The following GARRE1 variants were observed in gnomAD, a reference collection of about 807,000 sequenced individuals.
The protein encoded by GARRE1 is granule associated Rac and RHOG effector 1.
In GARRE1, 49 loss-of-function variants were observed where a neutral mutation model predicts 103.2. That is an observed-to-expected ratio of 0.47 (90% CI 0.38 to 0.60). The LOEUF is 0.60. Ranked by LOEUF, GARRE1 falls within the 20% of genes least tolerant of loss-of-function variation. The pLI, the probability that GARRE1 is intolerant of heterozygous loss-of-function variation, is 0.00. For synonymous variants in GARRE1, 505 were observed against 532.8 expected (o/e 0.95, Z 0.72); for missense variants, 1,199 against 1,370.5 (o/e 0.87, Z 1.98).
At chr19:34,270,869 C>G (rs1306538047) in intron 1 of GARRE1, among the ~76,000 whole-genome samples, 1 of 152,112 alleles carries the variant, frequency 6.6e-6, no homozygotes, top group Non-Finnish European at 1.5e-5. Flanking sequence ...GTAGATAATT[C>G]TTTGTAGGGG....
At chr19:34,304,603 C>T (rs1281842160) in intron 2 of GARRE1, among the ~76,000 whole-genome samples, 2 of 151,658 alleles carry the variant, frequency 1.3e-5, no homozygotes, top group Non-Finnish European at 2.9e-5. Context: ...GTCTCAAACT[C>T]CTGACCTCAA....
chr19:34,328,711 A>G (rs1014977406), intron 6 of GARRE1, among the ~76,000 whole-genome samples: 7 of 151,952 alleles, frequency 4.6e-5, no homozygotes, highest in African/African-American at 1.2e-4. Flanking sequence ...GGGTTCAAGC[A>G]ATCCTCCTGC....
At chr19:34,350,580 C>G (rs2074231354) in intron 12 of GARRE1, among the ~76,000 whole-genome samples, 1 of 152,112 alleles carries the variant, frequency 6.6e-6, no homozygotes, top group Non-Finnish European at 1.5e-5. Context: ...AACAGTATCT[C>G]TCTCTTTTTT....
chr19:34,294,764 G>A (rs2073938274), intron 1 of GARRE1, among the ~76,000 whole-genome samples: 1 of 152,102 alleles, frequency 6.6e-6, no homozygotes, highest in Admixed American at 6.6e-5. Flanking sequence ...GAGTACAGTG[G>A]TGTGATCCAA....
chr19:34,297,642 G>A (rs910159579), intron 1 of GARRE1, among the ~76,000 whole-genome samples: 1 of 152,174 alleles, frequency 6.6e-6, no homozygotes, highest in Non-Finnish European at 1.5e-5. Flanking sequence ...GAGTCTCCAC[G>A]GGAACAGCCT....
At chr19:34,311,899 C>T (rs931968328) in intron 2 of GARRE1, among the ~76,000 whole-genome samples, 6 of 152,204 alleles carry the variant, frequency 3.9e-5, no homozygotes, top group African/African-American at 1.4e-4. Flanking sequence ...GCATGAGCCA[C>T]CACACCCGGC....
At chr19:34,314,891 T>G (rs1418733027) in intron 2 of GARRE1, among the ~76,000 whole-genome samples, 1 of 152,238 alleles carries the variant, frequency 6.6e-6, no homozygotes, top group Non-Finnish European at 1.5e-5. Context: ...TTTAGGTCTT[T>G]GTGTCACATT....
intron 1 of GARRE1, among the ~76,000 whole-genome samples, chr19:34,274,614 T>G (rs1037347885): frequency 4.6e-5 from 7 of 152,198 alleles, no homozygotes; most frequent in Middle Eastern, 3.2e-3. Flanking sequence ...ATTTGGGTTC[T>G]GGAGCACAGG....
chr19:34,264,220 A>G (rs1284872812), intron 1 of GARRE1, among the ~76,000 whole-genome samples: 1 of 152,180 alleles, frequency 6.6e-6, no homozygotes, highest in African/African-American at 2.4e-5. Flanking sequence ...GAGGTGGCCC[A>G]AGATGGTTTC....
intron 1 of GARRE1, among the ~76,000 whole-genome samples, chr19:34,265,273 T>C (rs13345617): frequency 0.01 from 1,539 of 152,318 alleles, 26 homozygotes; most frequent in African/African-American, 0.034. Flanking sequence ...AAAGCTGGCT[T>C]GGCTCCCAGA....
chr19:34,267,155 A>G (rs931156679), intron 1 of GARRE1, among the ~76,000 whole-genome samples: 1 of 152,158 alleles, frequency 6.6e-6, no homozygotes, highest in East Asian at 1.9e-4. Context: ...AGTTCCAGCT[A>G]CTTGGGAGGC....
chr19:34,313,493 C>A (rs1216462499), intron 2 of GARRE1, among the ~76,000 whole-genome samples: 1 of 152,128 alleles, frequency 6.6e-6, no homozygotes, highest in Admixed American at 6.5e-5. Flanking sequence ...TATTGGGATC[C>A]CTGTCTCAGT....
In GARRE1 at chr19:34,342,326, A is replaced by G. The variant is rs768212215; in HGVS notation, c.2392A>G (p.Met798Val). The change falls in exon 10 of 14, where the codon ATG (methionine) becomes GTG (valine). Residue 798 changes from methionine to valine, a missense_variant. Physicochemically the swap from Met to Val is conservative, Grantham distance 21. Transcript: ENST00000299505. ...LYSLGLVSSY[M>V]DNVMSEVLGQ... is the part of the protein sequence containing the mutation. ...CAGCTTGGGTCTGGTGAGCAGCTAT[A>G]TGGATAATGTGATGTCAGAGGTTCT... 1.9e-6 allele frequency: 3 copies of G among 1,614,174 alleles called. No individual in the cohort carries two copies. Among genetic ancestry groups the G allele is most frequent in the South Asian group, 2.2e-5 (2 of 91,076 alleles).
chr19:34,303,932 T>G (rs1368266247), intron 2 of GARRE1, among the ~76,000 whole-genome samples: 1 of 152,128 alleles, frequency 6.6e-6, no homozygotes, highest in Non-Finnish European at 1.5e-5. Context: ...TTTATTTTTA[T>G]TTTTTACAAT....
intron 7 of GARRE1, among the ~76,000 whole-genome samples, chr19:34,332,015 C>T (rs940692882): frequency 2.0e-5 from 3 of 151,328 alleles, no homozygotes; most frequent in African/African-American, 4.9e-5. Context: ...AAGGATATGG[C>T]ATTTCAGTCA....
rs2074117708 is a variant in GARRE1 at position 34,327,571 on chromosome 19, TCAGAACTGACATACTGATTTCCA to T, written c.846+12_846+34del. On this transcript the variant is annotated intron_variant, in intron 4 of 13. Coordinates refer to ENST00000299505, the MANE Select transcript of GARRE1 (RefSeq NM_014686.5). ...CGACAGTGCTTTGCAAGTAAGTTTT[TCAGAACTGACATACTGATTTCCA>T]CGGGATAGAAACAAGGGAGGGAGTT... 2 of 1,613,018 alleles carry T rather than the reference TCAGAACTGACATACTGATTTCCA, an allele frequency of 1.2e-6. No individual in the cohort carries two copies. Among genetic ancestry groups the T allele is most frequent in the African/African-American group, 2.7e-5 (2 of 74,912 alleles).
At chr19:34,269,151 A>G (rs1026276143) in intron 1 of GARRE1, among the ~76,000 whole-genome samples, 4 of 152,230 alleles carry the variant, frequency 2.6e-5, no homozygotes, top group African/African-American at 9.6e-5. Flanking sequence ...CAGAACCGCT[A>G]ATGATAAGTT....
intron 3 of GARRE1, among the ~76,000 whole-genome samples, chr19:34,320,463 A>G (rs557692969): frequency 6.6e-6 from 1 of 152,324 alleles, no homozygotes; most frequent in Admixed American, 6.5e-5. Flanking sequence ...ATGGGGGACC[A>G]GTGAGAAGAG....
intron 2 of GARRE1, among the ~76,000 whole-genome samples, chr19:34,310,991 T>A (rs1368397139): frequency 6.6e-6 from 1 of 152,030 alleles, no homozygotes; most frequent in Non-Finnish European, 1.5e-5. Context: ...CTTTACCTTC[T>A]TTCTGCCCCC....
Sources: allele counts gnomAD v4.1 joint callset (sites outside exome capture counted in the v4.1 genomes callset), GRCh38; gene constraint gnomAD v4.1.1; transcripts MANE v1.5; gene names NCBI Gene and HGNC (gene_info 2026-07-23, HGNC 2026-07-21).